Variants in SOCS2 observed in about 807,000 individuals in gnomAD.
SOCS2 encodes the protein suppressor of cytokine signaling 2, also known as CIS-2.
Under a neutral mutation model 18.6 loss-of-function variants are expected in SOCS2, and 10 were observed. The observed-to-expected ratio is 0.54, with a 90% confidence interval of 0.33 to 0.91. SOCS2 has a LOEUF of 0.91. SOCS2 is among the 40% of genes least tolerant of loss of function. SOCS2 has a pLI of 0.02. For synonymous variants in SOCS2, 104 were observed against 104.0 expected, an observed-to-expected ratio of 1.00 and a Z score of 0.00; for missense variants, 231 against 247.2, an observed-to-expected ratio of 0.93 and a Z score of 0.44.
At chr12:93,573,774 C>T (rs1954354815) in intron 1 of SOCS2, 1 of 152,158 alleles carries the variant, frequency 6.6e-6, no homozygotes, top group South Asian at 2.1e-4. Flanking sequence ...AGTTCTCTCG[C>T]TTGCGATTCC....
chr12:93,584,044 G>A (rs189844676), downstream of SOCS2, among the ~76,000 whole-genome samples: 1 of 152,334 alleles, frequency 6.6e-6, no homozygotes, highest in Non-Finnish European at 1.5e-5. Context: ...AAGCAGAAGA[G>A]GTTGGTTTTA....
At chr12:93,587,919 A>G (rs374554072), downstream of SOCS2, among the ~76,000 whole-genome samples, 2 of 152,254 alleles carry the variant, frequency 1.3e-5, no homozygotes, top group Admixed American at 1.3e-4. Flanking sequence ...TTTATGTGGG[A>G]AGTGAAGGAG....
chr12:93,621,329 TAC>T, the SOCS2 span, among the ~76,000 whole-genome samples: 7,811 of 152,240 alleles, frequency 0.051, 491 homozygotes, highest in East Asian at 0.25. Context: ...GAAGGGAAAT[TAC>T]ACAGACTGTC....
chr12:93,574,737 G>C lies in SOCS2; in HGVS notation c.155G>C (p.Ser52Thr), dbSNP rs3741676. The change falls in exon 2 of 2, where the codon AGT becomes ACT. Residue 52 changes from serine to threonine, a missense_variant. Transcript: ENST00000551556. ...AAAACCCCAGGATGGTACTGGGGAA[G>C]TATGACTGTTAATGAAGCCAAAGAG... Reference protein sequence around the residue: ...ELGQTGWYWGSMTVNEAKEKL... With the variant: ...ELGQTGWYWGTMTVNEAKEKL... 3.7e-6 allele frequency: 6 copies of C among 1,612,068 alleles called. No individual in the cohort carries two copies. The Admixed American group carries it at 5.0e-5, about 13-fold the overall frequency.
chr12:93,594,579 C>T, the SOCS2 span, among the ~76,000 whole-genome samples: 1 of 152,074 alleles, frequency 6.6e-6, no homozygotes, highest in Non-Finnish European at 1.5e-5. Flanking sequence ...ATCAAGAAAT[C>T]TCCATGTTCC....
chr12:93,602,569 A>AT, the SOCS2 span, among the ~76,000 whole-genome samples: 1 of 152,210 alleles, frequency 6.6e-6, no homozygotes, highest in African/African-American at 2.4e-5. Flanking sequence ...ATTCAAAGGT[A>AT]TATGACAGGT....
chr12:93,573,272 T>C lies in SOCS2; in HGVS notation c.139+236T>C, dbSNP rs187551291. 1.1e-4 allele frequency: 67 copies of C among 593,900 alleles called. No homozygotes were observed. The East Asian group carries it at 1.8e-3, about 16-fold the overall frequency. The allele number at this position is 593,900 out of a possible 1,614,324, so 36.8% of individuals were successfully genotyped here. A position where few individuals can be genotyped will look rare whatever the true frequency, so the allele number is the denominator to read the frequency against. On this transcript the variant is annotated intron_variant, in intron 1 of 1. Transcript: ENST00000551556. ...GAGCGCGGGAAGAGCTTCTTGGAAA[T>C]AGCTTCTTAGCACGCTGGAAGATTT...
chr12:93,574,476 A>G, intron 1 of SOCS2: 1 of 355,922 alleles, frequency 2.8e-6, no homozygotes, highest in South Asian at 7.4e-5. Flanking sequence ...AGCTTCAGAA[A>G]GTTGATTTTT....
downstream of SOCS2, among the ~76,000 whole-genome samples, chr12:93,578,682 G>GCACACACACACACA (rs10594657): frequency 1.4e-5 from 2 of 146,560 alleles, no homozygotes; most frequent in African/African-American, 2.5e-5. Flanking sequence ...TTGCATGCTC[G>GCACACACACACACA]CACACACACA....
At chr12:93,597,809 T>C in the SOCS2 span, among the ~76,000 whole-genome samples, 6 of 152,158 alleles carry the variant, frequency 3.9e-5, no homozygotes, top group Non-Finnish European at 7.4e-5. Flanking sequence ...CCTACTGACC[T>C]CCTACCCTCC....
At chr12:93,587,075 C>T (rs1480999766), downstream of SOCS2, among the ~76,000 whole-genome samples, 2 of 151,996 alleles carry the variant, frequency 1.3e-5, no homozygotes, top group South Asian at 2.1e-4. Context: ...GGCTGAGGCA[C>T]GAGAATCACT....
At chr12:93,613,590 A>G in the SOCS2 span, among the ~76,000 whole-genome samples, 1 of 152,220 alleles carries the variant, frequency 6.6e-6, no homozygotes, top group African/African-American at 2.4e-5. Flanking sequence ...GAGAAGCTCA[A>G]ATGAAACAAC....
downstream of SOCS2, among the ~76,000 whole-genome samples, chr12:93,579,415 G>A (rs1284506868): frequency 1.3e-5 from 2 of 152,102 alleles, no homozygotes; most frequent in South Asian, 2.1e-4. Flanking sequence ...TGTGAAGCAA[G>A]TAACCAGCCC....
At chr12:93,590,158 C>T in the SOCS2 span, among the ~76,000 whole-genome samples, 1 of 151,816 alleles carries the variant, frequency 6.6e-6, no homozygotes, top group African/African-American at 2.4e-5. Context: ...AGGCTTGAAC[C>T]CGGTAGGTGG....
chr12:93,570,931 A>T (rs901782251), upstream of SOCS2: 10 of 153,022 alleles, frequency 6.5e-5, no homozygotes, highest in African/African-American at 2.4e-4. Flanking sequence ...CCTCCGCAGC[A>T]GCCGGGCGGG....
At chr12:93,625,658 G>T in the SOCS2 span, among the ~76,000 whole-genome samples, 1 of 147,220 alleles carries the variant, frequency 6.8e-6, no homozygotes, top group Non-Finnish European at 1.5e-5. Context: ...TGAGGCAGGA[G>T]AATTGCTTGA....
At chr12:93,612,928 C>T in the SOCS2 span, among the ~76,000 whole-genome samples, 1 of 152,336 alleles carries the variant, frequency 6.6e-6, no homozygotes, top group East Asian at 1.9e-4. Context: ...TTTTCTCCTA[C>T]CCCTCCCTTT....
rs201734153 is a variant in SOCS2, at chr12:93,573,061, C to A, written c.139+25C>A. On this transcript the variant is annotated intron_variant, in intron 1 of 1. Transcript: ENST00000551556. ...GGTAGGGAGCCGATCGGCCGCGACG[C>A]GTGCGGGAGGGAGCGCCTCCCCAAG... The A allele has an allele frequency of 8.4e-5, 131 of 1,553,204 alleles. 2 individuals carry two copies. The Admixed American group carries it at 1.2e-3, about 14-fold the overall frequency.
downstream of SOCS2, among the ~76,000 whole-genome samples, chr12:93,584,954 C>T (rs574641965): frequency 3.9e-5 from 6 of 152,014 alleles, no homozygotes; most frequent in East Asian, 3.9e-4. Context: ...GTAGAGACAG[C>T]GTTTCACCAT....
Sources: gnomAD v4.1 joint callset for allele counts (sites outside exome capture counted in the v4.1 genomes callset) on GRCh38, gnomAD v4.1.1 for gene constraint, MANE v1.5 for transcripts, NCBI Gene and HGNC (gene_info 2026-07-23, HGNC 2026-07-21) for gene names.